AGR3: variants seen among roughly 807,000 people sequenced by gnomAD.
The protein encoded by AGR3 is anterior gradient 3, protein disulphide isomerase family member.
Under a neutral mutation model 24.5 loss-of-function variants are expected in AGR3, and 37 were observed. The observed-to-expected ratio is 1.51, with a 90% CI of 1.16 to 1.99. The LOEUF (loss-of-function observed/expected upper bound fraction) is 1.99. AGR3 is among the 30% of genes most tolerant of loss of function. AGR3 has a pLI of 0.00. For synonymous variants in AGR3, 75 were observed against 61.6 expected, an observed-to-expected ratio of 1.22 and a Z score of -1.02; for missense variants, 228 against 191.1, an observed-to-expected ratio of 1.19 and a Z score of -1.14.
chr7:16,875,136 A>C (rs939124955), intron 2 of AGR3, among the ~76,000 whole-genome samples: 4 of 151,146 alleles, frequency 2.6e-5, no homozygotes, highest in African/African-American at 7.3e-5. Context: ...AAAAAAGAAA[A>C]AAAGAAAATG....
chr7:16,879,267 C>T (rs1037909741), intron 1 of AGR3, among the ~76,000 whole-genome samples: 1 of 152,160 alleles, frequency 6.6e-6, no homozygotes, highest in Non-Finnish European at 1.5e-5. Context: ...CAAGTACTAT[C>T]ATATTACTAT....
At chr7:16,881,824 A>T (rs903637419) in intron 1 of AGR3, 120 bp downstream of exon 1, 2 of 395,680 alleles carry the variant, frequency 5.1e-6, no homozygotes, top group Middle Eastern at 3.8e-4. Flanking sequence ...GAAAAATAAA[A>T]ATTCATTTCA....
chr7:16,867,691 T>C (rs969699183), intron 3 of AGR3, among the ~76,000 whole-genome samples: 7 of 152,196 alleles, frequency 4.6e-5, no homozygotes, highest in Non-Finnish European at 7.4e-5. Flanking sequence ...CATTTTCCTT[T>C]GTTTCTATGA....
intron 3 of AGR3, among the ~76,000 whole-genome samples, chr7:16,868,039 C>T (rs181085709): frequency 6.6e-6 from 1 of 152,098 alleles, no homozygotes. Flanking sequence ...TATTATTCAT[C>T]TTTTTGATAA....
intron 2 of AGR3, 138 bp from the exon 3 acceptor site, chr7:16,873,981 C>A: frequency 1.4e-6 from 1 of 704,344 alleles, no homozygotes; most frequent in Non-Finnish European, 2.4e-6. Flanking sequence ...GTGCAGAGGA[C>A]ACACAATTTT....
chr7:16,858,863 G>C (rs1781588310), downstream of AGR3, among the ~76,000 whole-genome samples: 1 of 152,008 alleles, frequency 6.6e-6, no homozygotes, highest in Non-Finnish European at 1.5e-5. Flanking sequence ...CTGGGCAACA[G>C]AGCAAAACTT....
At chr7:16,881,627 ATAT>A (rs1310240983) in intron 1 of AGR3, among the ~76,000 whole-genome samples, 1 of 152,228 alleles carries the variant, frequency 6.6e-6, no homozygotes, top group African/African-American at 2.4e-5. Context: ...TAAGTAACTG[ATAT>A]TATAAGTTCC....
Position 16,861,411 on chromosome 7 carries a change from G to C in AGR3, c.340C>G (p.Gln114Glu). ...TTDKNLSPDG[Q>E]YVPRIMFVDP... Reference sequence around the variant, plus strand: ...ACAAACATGATTCTAGGCACATATTGCCCATCAGGTGATAAATTCTTATCA... The same window carrying C: ...ACAAACATGATTCTAGGCACATATTCCCCATCAGGTGATAAATTCTTATCA... Residue 114 changes from glutamine (Q) to glutamate (E), a missense_variant, in exon 6 of 8, where the codon CAA becomes GAA. Coordinates refer to ENST00000310398, the MANE Select transcript of AGR3 (RefSeq NM_176813.5). The C allele has an allele frequency of 1.9e-6, 3 of 1,610,610 alleles. No individual in the cohort carries two copies. The highest frequency in any genetic ancestry group is 2.5e-6 in the Non-Finnish European group (3 of 1,178,234).
intron 3 of AGR3, 102 bp from the exon 4 acceptor site, chr7:16,862,764 G>A: frequency 2.7e-6 from 2 of 741,538 alleles, no homozygotes; most frequent in Non-Finnish European, 4.4e-6. Context: ...AAGGCTTACA[G>A]TAGTAATCTC....
At chr7:16,878,862 G>A (rs978495329) in intron 1 of AGR3, among the ~76,000 whole-genome samples, 7 of 152,134 alleles carry the variant, frequency 4.6e-5, no homozygotes, top group African/African-American at 1.7e-4. Context: ...GTCATGTTCT[G>A]AGCCTCCTGG....
chr7:16,862,942 G>A (rs531870857), intron 3 of AGR3, among the ~76,000 whole-genome samples: 18 of 152,178 alleles, frequency 1.2e-4, no homozygotes, highest in Non-Finnish European at 2.5e-4. Context: ...ACAGTGGTGT[G>A]AGCCTGTAGT....
Position 16,859,418 on chromosome 7 carries a change from T to A in AGR3, c.*164A>T. 1 of 561,188 alleles carries A rather than the reference T, an allele frequency of 1.8e-6. No individual in the cohort carries two copies. The highest frequency in any genetic ancestry group is 3.4e-5 in the East Asian group (1 of 29,816). The allele number at this position is 561,188 out of a possible 1,614,324, so 34.8% of individuals were successfully genotyped here. ...TAAAACTATATTGTCAGTCTCAGAT[T>A]TAAAAAACATTTATTTTAATAAGAC... On this transcript the variant is annotated 3_prime_UTR_variant, in exon 8 of 8. Coordinates refer to ENST00000310398, the MANE Select transcript of AGR3 (RefSeq NM_176813.5).
chr7:16,877,978 T>C (rs1314833064), intron 2 of AGR3, among the ~76,000 whole-genome samples: 2 of 152,112 alleles, frequency 1.3e-5, no homozygotes, highest in Non-Finnish European at 2.9e-5. Flanking sequence ...TTTCTAAACA[T>C]GTAGCCACCG....
At chr7:16,873,953 G>A (rs1209841168) in intron 2 of AGR3, 110 bp from the exon 3 acceptor site, 6 of 861,546 alleles carry the variant, frequency 7.0e-6, no homozygotes, top group Non-Finnish European at 1.1e-5. Context: ...AAGCCATCAA[G>A]CTGTTGGCTG....
At chr7:16,878,680 A>C in intron 1 of AGR3, 35 bp from the exon 2 acceptor site, 1 of 1,389,610 alleles carries the variant, frequency 7.2e-7, no homozygotes. Flanking sequence ...GAATCCAGTG[A>C]ATTACTTCAA....
chr7:16,872,871 CG>C (rs1180174055), intron 3 of AGR3, among the ~76,000 whole-genome samples: 1 of 152,066 alleles, frequency 6.6e-6, no homozygotes, highest in African/African-American at 2.4e-5. Flanking sequence ...CTCTAATCAT[CG>C]GGGAAAGGCA....
chr7:16,870,019 A>G (rs1026925066), intron 3 of AGR3, among the ~76,000 whole-genome samples: 1 of 151,948 alleles, frequency 6.6e-6, no homozygotes, highest in African/African-American at 2.4e-5. Context: ...TTAAGTATAG[A>G]GAGAATTGGC....
intron 6 of AGR3, 50 bp from the exon 7 acceptor site, chr7:16,860,633 T>C: frequency 7.7e-7 from 1 of 1,299,948 alleles, no homozygotes; most frequent in Non-Finnish European, 1.1e-6. Flanking sequence ...CATGTTCTTT[T>C]CTTTACTCTT....
chr7:16,865,248 C>T, intron 3 of AGR3: 1 of 834,478 alleles, frequency 1.2e-6, no homozygotes, highest in Non-Finnish European at 2.0e-6. Context: ...TCTTTTTTTC[C>T]TTGGCCATAA....
Sources: gnomAD v4.1 joint callset for allele counts (sites outside exome capture counted in the v4.1 genomes callset) on GRCh38, gnomAD v4.1.1 for gene constraint, MANE v1.5 for transcripts, NCBI Gene and HGNC (gene_info 2026-07-23, HGNC 2026-07-21) for gene names.